The following CROCC2 variants were observed in gnomAD, a reference collection of about 807,000 sequenced individuals.
The protein encoded by CROCC2 is ciliary rootlet coiled-coil, rootletin family member 2.
In CROCC2, 163 loss-of-function variants were observed where a neutral mutation model predicts 177.6. The observed-to-expected ratio is 0.92, with a 90% confidence interval of 0.81 to 1.05. The LOEUF (loss-of-function observed/expected upper bound fraction) is 1.05. Ranked by LOEUF, CROCC2 falls within the 50% of genes least tolerant of loss-of-function variation. The pLI, the probability that CROCC2 is intolerant of heterozygous loss-of-function variation, is 0.00. For synonymous variants in CROCC2, 904 were observed against 787.3 expected (o/e 1.15, Z -2.48); for missense variants, 1,929 against 1,797.8 (o/e 1.07, Z -1.32).
chr2:240,963,363 AG>A, intron 20 of CROCC2, 192 bp from the exon 21 acceptor site: 1 of 587,242 alleles, frequency 1.7e-6, no homozygotes, highest in East Asian at 2.8e-5. Flanking sequence ...GCCCTGCCTC[AG>A]CCCGTGGAAG....
In CROCC2 at chr2:240,988,783, G is replaced by A. The variant is rs1439042975; in HGVS notation, c.4596G>A (p.Leu1532=). The A allele has an allele frequency of 2.6e-6, 4 of 1,512,156 alleles. No homozygotes were observed. In the African/African-American group the frequency reaches 5.6e-5, roughly 21 times the overall value. The allele number at this position is 1,512,156 out of a possible 1,614,324, so 93.7% of individuals were successfully genotyped here. The stretch of plus-strand genomic sequence containing the variant: ...AGAGGGAGGAGGATGTGGCGAGGCT[G>A]GGGGCTGAGAAGGAGCAGCTGGACC... ...TLKREEDVAR[L]GAEKEQLDQS... Residue 1532 remains leucine, a synonymous_variant, in exon 29 of 32, where the codon CTG becomes CTA. Transcript: ENST00000690015.
chr2:240,961,867 TCA>T (rs1208240148), intron 20 of CROCC2, among the ~76,000 whole-genome samples: 1 of 23,706 alleles, frequency 4.2e-5, no homozygotes, highest in Admixed American at 4.1e-4. Context: ...CACACACTCA[TCA>T]CACATGCTCA....
At chr2:240,964,353 T>G in intron 21 of CROCC2, 113 bp from the exon 22 acceptor site, 1 of 1,286,026 alleles carries the variant, frequency 7.8e-7, no homozygotes, top group Non-Finnish European at 1.1e-6. Flanking sequence ...GAGGACACTG[T>G]GCAGAGTCAA....
chr2:240,975,043 G>A (rs571464455), intron 27 of CROCC2, among the ~76,000 whole-genome samples: 24 of 152,162 alleles, frequency 1.6e-4, no homozygotes, highest in African/African-American at 4.3e-4. Flanking sequence ...TTTATTGGTC[G>A]TTTGCTTTTT....
chr2:240,986,509 G>A (rs1559193251), intron 28 of CROCC2, among the ~76,000 whole-genome samples: 1 of 152,212 alleles, frequency 6.6e-6, no homozygotes, highest in African/African-American at 2.4e-5. Context: ...GTAGGGACAG[G>A]CCTGGAAAGC....
intron 20 of CROCC2, among the ~76,000 whole-genome samples, chr2:240,962,620 T>G (rs952803126): frequency 6.6e-6 from 1 of 152,220 alleles, no homozygotes; most frequent in African/African-American, 2.4e-5. Flanking sequence ...AGGGGTTTGC[T>G]TTTGTCAAGC....
At chr2:240,952,315 C>CAAAAA (rs71049540) in intron 18 of CROCC2, among the ~76,000 whole-genome samples, 36 of 113,488 alleles carry the variant, frequency 3.2e-4, no homozygotes, top group African/African-American at 1.0e-3. Flanking sequence ...TACTCCTTCT[C>CAAAAA]AAAAAAAAAA....
At chr2:240,931,779 G>C (rs533659516) in intron 7 of CROCC2, among the ~76,000 whole-genome samples, 1 of 152,210 alleles carries the variant, frequency 6.6e-6, no homozygotes, top group Non-Finnish European at 1.5e-5. Flanking sequence ...CCCTCAGGGG[G>C]TCCAGCTGAG....
intron 30 of CROCC2, 126 bp from the exon 31 acceptor site, chr2:240,991,070 C>T (rs2059876216): frequency 3.3e-6 from 2 of 609,250 alleles, no homozygotes; most frequent in Non-Finnish European, 5.5e-6. Context: ...TGCATGCCAC[C>T]TCTCCTTGGG....
chr2:240,961,551 C>T (rs545040885), intron 20 of CROCC2, among the ~76,000 whole-genome samples: 2 of 150,460 alleles, frequency 1.3e-5, no homozygotes, highest in South Asian at 4.2e-4. Context: ...CACACACACA[C>T]ACTCATCACA....
In CROCC2 at chr2:240,922,638, G is replaced by A. The variant is rs780903290; in HGVS notation, c.481G>A (p.Glu161Lys). The A allele has an allele frequency of 1.7e-5, 11 of 647,534 alleles. No homozygotes were observed. The highest frequency in any genetic ancestry group is 1.7e-5 in the South Asian group (1 of 60,320). The allele number at this position is 647,534 out of a possible 1,614,324, so 40.1% of individuals were successfully genotyped here. Residue 161 changes from glutamate to lysine, a missense_variant, in exon 4 of 32, where the codon GAG becomes AAG. By Grantham distance (56) the Glu-to-Lys change is moderately conservative. Around this residue, in one of 3 missense-constraint regions of CROCC2, gnomAD observed 1,397 missense variants for 1,239.9 expected, o/e 1.13. Coordinates refer to ENST00000690015, the MANE Select transcript of CROCC2 (RefSeq NM_001351305.2). ...EEALGRLEAA[E>K]ERSTGLCQVN... is the part of the protein sequence containing the mutation. Reference sequence around the variant, plus strand: ...GGCCCTTGGCCGTCTGGAGGCTGCCGAGGAGAGGTGAGGCCAGGTGCGGGG... The same window carrying A: ...GGCCCTTGGCCGTCTGGAGGCTGCCAAGGAGAGGTGAGGCCAGGTGCGGGG...
In CROCC2 at chr2:240,967,405, T is replaced by C; in HGVS notation, c.4207T>C (p.Cys1403Arg). The change falls in exon 26 of 32, where the codon TGT becomes CGT. Residue 1403 changes from cysteine to arginine, a missense_variant. Physicochemically the swap from Cys to Arg is radical, Grantham distance 180 (BLOSUM62 -3). Coordinates refer to ENST00000690015, the MANE Select transcript of CROCC2 (RefSeq NM_001351305.2). ...CCGGCTGAGCGAGGCAGAGTGCAGG[T>C]GTGCCCGGGCCCAGAGCCGCGTGGG... Reference protein sequence around the residue: ...SSRLSEAECRCARAQSRVGQL... With the variant: ...SSRLSEAECRRARAQSRVGQL... The C allele has an allele frequency of 2.1e-6, 2 of 954,382 alleles. No individual in the cohort carries two copies. Among genetic ancestry groups the C allele is most frequent in the Non-Finnish European group, 3.3e-6 (2 of 602,420 alleles). 59.1% of individuals were successfully genotyped at this position (954,382 alleles called of 1,614,324 possible). A position where few individuals can be genotyped will look rare whatever the true frequency, so the allele number is the denominator to read the frequency against.
intron 1 of CROCC2, among the ~76,000 whole-genome samples, chr2:240,916,398 C>T (rs2059320443): frequency 9.5e-6 from 1 of 104,976 alleles, no homozygotes. Context: ...CCCTGCTCGC[C>T]CCCTCCTTCC....
chr2:240,945,984 T>C, intron 14 of CROCC2, 76 bp from the exon 15 acceptor site: 1 of 1,163,962 alleles, frequency 8.6e-7, no homozygotes, highest in Non-Finnish European at 1.2e-6. Context: ...AGTCCTTTCT[T>C]CCCCTCAAGA....
rs566224864 is a variant in CROCC2, at chr2:240,935,554, G to A, written c.2135G>A (p.Arg712Gln). The A allele has an allele frequency of 2.4e-5, 33 of 1,350,084 alleles. No individual in the cohort carries two copies. Among genetic ancestry groups the A allele is most frequent in the African/African-American group, 1.8e-4 (12 of 65,410 alleles). The allele number at this position is 1,350,084 out of a possible 1,614,324, so 83.6% of individuals were successfully genotyped here. ...GAGGGGCAGGCAGCCCTGCTGGGGC[G>A]AGAGAAGGCCCAGCTCCAGGAGCAG... ...QLEGQAALLG[R>Q]EKAQLQEQVG... The change falls in exon 14 of 32, where the codon CGA becomes CAA. Residue 712 changes from arginine (R) to glutamine (Q), a missense_variant. Arg to Gln is a conservative substitution (Grantham distance 43, BLOSUM62 1). Around this residue, in one of 3 missense-constraint regions of CROCC2, gnomAD observed 1,397 missense variants for 1,239.9 expected, o/e 1.13. Coordinates refer to ENST00000690015, the MANE Select transcript of CROCC2 (RefSeq NM_001351305.2).
intron 18 of CROCC2, chr2:240,955,624 G>T (rs1373395426): frequency 1.2e-5 from 6 of 502,606 alleles, no homozygotes; most frequent in East Asian, 9.3e-5. Context: ...GAGGTGGGAC[G>T]ATGTCGGACA....
rs1338466448 is a variant in CROCC2 at position 240,965,777 on chromosome 2, C to T, written c.3745C>T (p.Gln1249Ter). The T allele has an allele frequency of 6.7e-7, 1 of 1,493,428 alleles. No individual in the cohort carries two copies. Among genetic ancestry groups the T allele is most frequent in the South Asian group, 1.4e-5 (1 of 73,258 alleles). The allele number at this position is 1,493,428 out of a possible 1,614,324, so 92.5% of individuals were successfully genotyped here. The change falls in exon 24 of 32, where the codon CAG (glutamine) becomes TAG (stop). Residue 1249 changes from glutamine (Q) to a stop codon, truncating the protein, a stop_gained. Transcript: ENST00000690015. LOFTEE classifies it high-confidence loss of function. ...AELHSVTRKLQEASGVADALQ... is the reference protein window; with the variant it reads ...AELHSVTRKL ...GCTGCACAGTGTCACCAGGAAGCTG[C>T]AGGAAGCCAGTGGTGTGGCTGATGC...
chr2:240,964,140 C>T, intron 21 of CROCC2: 1 of 534,124 alleles, frequency 1.9e-6, no homozygotes, highest in Non-Finnish European at 3.4e-6. Context: ...CAGGATGGCA[C>T]AGCCCTCACA....
chr2:240,962,080 TCA>T (rs549496278), intron 20 of CROCC2, among the ~76,000 whole-genome samples: 48 of 89,462 alleles, frequency 5.4e-4, no homozygotes, highest in Middle Eastern at 5.1e-3. Context: ...GCACTCACAC[TCA>T]CACACACACA....
Sources: allele counts gnomAD v4.1 joint callset (sites outside exome capture counted in the v4.1 genomes callset), GRCh38; gene constraint gnomAD v4.1.1; regional missense constraint gnomAD v4.1.1; transcripts MANE v1.5; gene names NCBI Gene and HGNC (gene_info 2026-07-23, HGNC 2026-07-21).